The following ARHGEF12 variants were observed in gnomAD, a reference collection of about 807,000 sequenced individuals.
ARHGEF12 encodes KMT2A/ARHGEF12 fusion protein.
In ARHGEF12, 66 loss-of-function variants were observed where a neutral mutation model predicts 211.2. That is an observed-to-expected ratio of 0.31 (90% CI 0.26 to 0.38). ARHGEF12 has a LOEUF of 0.38. Among genes scored for constraint, ARHGEF12 ranks in the 10% least tolerant of loss-of-function variants. The pLI is 1.00. For missense variants in ARHGEF12, 1,429 were observed against 1,869.5 expected (o/e 0.76, Z 4.34); for synonymous variants, 592 against 638.4 (o/e 0.93, Z 1.09).
Position 120,480,187 on chromosome 11 carries a change from A to C in ARHGEF12, c.3994A>C (p.Thr1332Pro), listed in dbSNP as rs1252684515. The change falls in exon 38 of 41, where the codon ACT becomes CCT. Residue 1332 changes from threonine (T) to proline (P), a missense_variant. By Grantham distance (38) the Thr-to-Pro change is conservative. This residue lies in a region of ARHGEF12 where 467 missense variants were observed against 468.4 expected (regional missense o/e 1.00). Coordinates refer to ENST00000397843, the MANE Select transcript of ARHGEF12 (RefSeq NM_015313.3). ...IATCYSPRTS[T>P]ESFAPRDSVG... is the part of the protein sequence containing the mutation. ...AACTTGTTACAGTCCACGGACTTCAACTGAATCTTTTGCTCCACGGGATTC... is the reference window on the plus strand; with the variant it reads ...AACTTGTTACAGTCCACGGACTTCACCTGAATCTTTTGCTCCACGGGATTC... The C allele has an allele frequency of 6.2e-7, 1 of 1,614,122 alleles. No homozygotes were observed. The highest frequency in any genetic ancestry group is 1.3e-5 in the African/African-American group (1 of 74,942).
rs1947434720 is a variant in ARHGEF12 at position 120,487,817 on chromosome 11, C to T, written c.*2740C>T. ...GAGTGTCTCCTTCCTTTTCAGAGAA[C>T]AGTTAATCAAGGCAAATCAGCAAGC... On this transcript the variant is annotated 3_prime_UTR_variant, in exon 41 of 41. Transcript: ENST00000397843. 1 of 219,912 alleles carries T rather than the reference C, an allele frequency of 4.5e-6. No individual in the cohort carries two copies. The highest frequency in any genetic ancestry group is 2.2e-5 in the African/African-American group (1 of 44,532). 13.6% of individuals were successfully genotyped at this position (219,912 alleles called of 1,614,324 possible).
chr11:120,337,848 T>C, intron 1 of ARHGEF12: 3 of 985,458 alleles, frequency 3.0e-6, no homozygotes, highest in Non-Finnish European at 3.6e-6. Flanking sequence ...GGAAGCAATG[T>C]CCAGGAGCTG....
intron 25 of ARHGEF12, 86 bp downstream of exon 25, chr11:120,458,320 CAA>C (rs1309073202): frequency 6.7e-7 from 1 of 1,502,992 alleles, no homozygotes; most frequent in Non-Finnish European, 9.1e-7. Flanking sequence ...GAGTTTGCTT[CAA>C]AGTTTCTCCT....
Position 120,475,052 on chromosome 11 carries a change from C to A in ARHGEF12, c.3110-288C>A, listed in dbSNP as rs140645060. On this transcript the variant is annotated intron_variant, in intron 32 of 40. Coordinates refer to ENST00000397843, the MANE Select transcript of ARHGEF12 (RefSeq NM_015313.3). ...TGCACTGCTGCCTCGAACTCCTGGG[C>A]TTAAGGGATCCTCCTGCCTTAGCCT... Among the ~76,000 whole-genome samples the A allele has an allele frequency of 9.5e-4, 144 of 152,276 alleles. 1 individual carries two copies. The highest frequency in any genetic ancestry group is 5.9e-3 in the Admixed American group (90 of 15,294).
chr11:120,489,094 G>A lies in ARHGEF12; in HGVS notation c.*4017G>A, dbSNP rs2136048854. The A allele has an allele frequency of 4.5e-6, 1 of 223,668 alleles. No homozygotes were observed. Among genetic ancestry groups the A allele is most frequent in the Non-Finnish European group, 8.9e-6 (1 of 111,850 alleles). 13.9% of individuals were successfully genotyped at this position (223,668 alleles called of 1,614,324 possible). A position where few individuals can be genotyped will look rare whatever the true frequency, so the allele number is the denominator to read the frequency against. ...GTCTTGTCCAAGTTATATTAGAAAA[G>A]TTGAGGAGTCGAGGAGCCTGTAATT... On this transcript the variant is annotated 3_prime_UTR_variant, in exon 41 of 41. Transcript: ENST00000397843.
intron 3 of ARHGEF12, chr11:120,408,187 T>G (rs539952296): frequency 6.0e-6 from 1 of 167,196 alleles, no homozygotes; most frequent in East Asian, 1.7e-4. Context: ...ACTCGACACT[T>G]GCGTAGTCAT....
chr11:120,336,782 C>T lies in ARHGEF12; in HGVS notation c.-462C>T. ...GGCCAACGCTGCGGCCACGAGCAGC[C>T]GGCAGCCCCAGATAGAGAGCCGGGA... is the stretch of plus-strand genomic sequence containing the variant. On this transcript the variant is annotated 5_prime_UTR_variant, in exon 1 of 41. Transcript: ENST00000397843. 1 of 283,764 alleles carries T rather than the reference C, an allele frequency of 3.5e-6. No individual in the cohort carries two copies. The highest frequency in any genetic ancestry group is 6.6e-6 in the Non-Finnish European group (1 of 152,364). 17.6% of individuals were successfully genotyped at this position (283,764 alleles called of 1,614,324 possible). A position where few individuals can be genotyped will look rare whatever the true frequency, so the allele number is the denominator to read the frequency against.
chr11:120,352,016 G>A (rs1445939859), intron 1 of ARHGEF12, among the ~76,000 whole-genome samples: 2 of 151,998 alleles, frequency 1.3e-5, no homozygotes, highest in African/African-American at 2.4e-5. Context: ...GTGGTTATTG[G>A]CTCATCTAGA....
intron 1 of ARHGEF12, among the ~76,000 whole-genome samples, chr11:120,405,563 A>G (rs1944675577): frequency 6.6e-6 from 1 of 152,204 alleles, no homozygotes; most frequent in African/African-American, 2.4e-5. Flanking sequence ...TTAAATCTAA[A>G]CCTAATAATT....
chr11:120,407,035 A>G (rs1438502167), intron 2 of ARHGEF12, among the ~76,000 whole-genome samples: 1 of 152,214 alleles, frequency 6.6e-6, no homozygotes, highest in East Asian at 1.9e-4. Flanking sequence ...AAATGTAGGT[A>G]GTATGTCATT....
chr11:120,484,520 T>TA lies in ARHGEF12; in HGVS notation c.4624+14dup, dbSNP rs1266017432. 1 of 1,610,742 alleles carries TA rather than the reference T, an allele frequency of 6.2e-7. No individual in the cohort carries two copies. The highest frequency in any genetic ancestry group is 8.5e-7 in the Non-Finnish European group (1 of 1,177,336). On this transcript the variant is annotated intron_variant, in intron 40 of 40. Transcript: ENST00000397843. ...GACAAGCACTCAGGTATGTAAAAGT[T>TA]ATGAGTTCCAGACTCTAGACTAATC...
chr11:120,372,180 T>G (rs924592253), intron 1 of ARHGEF12, among the ~76,000 whole-genome samples: 1 of 152,220 alleles, frequency 6.6e-6, no homozygotes, highest in Non-Finnish European at 1.5e-5. Context: ...TAATAGTAAC[T>G]ATAAGGTAAC....
intron 4 of ARHGEF12, among the ~76,000 whole-genome samples, chr11:120,417,171 C>T (rs969545838): frequency 2.0e-5 from 3 of 152,000 alleles, no homozygotes; most frequent in South Asian, 2.1e-4. Flanking sequence ...TCCAAATACC[C>T]GTTTCCCTCA....
At chr11:120,385,503 T>G (rs770939638) in intron 1 of ARHGEF12, 16 of 985,292 alleles carry the variant, frequency 1.6e-5, no homozygotes, top group African/African-American at 3.5e-5. Context: ...TACTGCAGTC[T>G]TTGTTTTCTG....
intron 18 of ARHGEF12, among the ~76,000 whole-genome samples, chr11:120,447,593 G>A (rs756633777): frequency 3.3e-5 from 5 of 151,536 alleles, no homozygotes; most frequent in Admixed American, 6.6e-5. Context: ...CCGAGCGGGC[G>A]GATTACGTAA....
chr11:120,364,711 C>G (rs899889831), intron 1 of ARHGEF12, among the ~76,000 whole-genome samples: 1 of 151,978 alleles, frequency 6.6e-6, no homozygotes, highest in Non-Finnish European at 1.5e-5. Flanking sequence ...GGAAATTGTT[C>G]ATGATCTGTG....
Position 120,489,837 on chromosome 11 carries a change from A to C in ARHGEF12, c.*4760A>C, listed in dbSNP as rs1947487230. The C allele has an allele frequency of 5.4e-6, 1 of 186,406 alleles. No individual in the cohort carries two copies. Among genetic ancestry groups the C allele is most frequent in the African/African-American group, 2.3e-5 (1 of 42,670 alleles). The allele number at this position is 186,406 out of a possible 1,614,324, so 11.5% of individuals were successfully genotyped here. ...TATATATATAGATACAGATACAGAT[A>C]CATATCTGGTGGAACAAAGAAATAC... On this transcript the variant is annotated 3_prime_UTR_variant, in exon 41 of 41. Coordinates refer to ENST00000397843, the MANE Select transcript of ARHGEF12 (RefSeq NM_015313.3).
chr11:120,459,181 C>G lies in ARHGEF12; in HGVS notation c.2388C>G (p.Phe796Leu), dbSNP rs747196033. The G allele has an allele frequency of 6.2e-7, 1 of 1,610,912 alleles. No individual in the cohort carries two copies. The highest frequency in any genetic ancestry group is 8.5e-7 in the Non-Finnish European group (1 of 1,178,634). Residue 796 changes from phenylalanine (F) to leucine (L), a missense_variant, in exon 26 of 41, where the codon TTC (phenylalanine) becomes TTG (leucine). Phe to Leu is a conservative substitution (Grantham distance 22). Coordinates refer to ENST00000397843, the MANE Select transcript of ARHGEF12 (RefSeq NM_015313.3). ...IKRQEVINELFYTERAHVRTL... is the reference protein window; with the variant it reads ...IKRQEVINELLYTERAHVRTL... ...TATCTCTTTCCTGTTCAGAATTGTT[C>G]TACACTGAAAGAGCTCATGTTCGAA...
intron 14 of ARHGEF12, 76 bp downstream of exon 14, chr11:120,441,893 C>T (rs1945878173): frequency 1.5e-6 from 2 of 1,303,718 alleles, no homozygotes; most frequent in Non-Finnish European, 2.2e-6. Flanking sequence ...CCTAGCTATA[C>T]AACGAGTGGG....
Sources: gnomAD v4.1 joint callset for allele counts (sites outside exome capture counted in the v4.1 genomes callset) on GRCh38, gnomAD v4.1.1 for gene constraint, gnomAD v4.1.1 regional missense constraint, MANE v1.5 for transcripts, NCBI Gene and HGNC (gene_info 2026-07-23, HGNC 2026-07-21) for gene names.